TMEM132D: variants seen among roughly 807,000 people sequenced by gnomAD.
TMEM132D encodes transmembrane protein 132D.
Under a neutral mutation model 62.3 loss-of-function variants are expected in TMEM132D, and 21 were observed. The observed-to-expected ratio is 0.34, with a 90% CI of 0.24 to 0.49. The LOEUF is 0.49. Among genes scored for constraint, TMEM132D ranks in the 20% least tolerant of loss-of-function variants. The probability of loss-of-function intolerance (pLI) is 0.99; values close to 1 mark genes in which losing one functional copy is unlikely to be tolerated. For missense variants in TMEM132D, 1,346 were observed against 1,402.8 expected, an observed-to-expected ratio of 0.96 and a Z score of 0.65; for synonymous variants, 621 against 575.6, an observed-to-expected ratio of 1.08 and a Z score of -1.13.
intron 5 of TMEM132D, among the ~76,000 whole-genome samples, chr12:129,165,993 C>A (rs899984675): frequency 5.3e-5 from 8 of 152,202 alleles, no homozygotes; most frequent in Admixed American, 1.3e-4. Context: ...TTAGTTCTCA[C>A]AACCACCATT....
At chr12:129,583,415 T>C (rs537455242) in intron 2 of TMEM132D, among the ~76,000 whole-genome samples, 5 of 152,208 alleles carry the variant, frequency 3.3e-5, no homozygotes, top group Non-Finnish European at 7.3e-5. Flanking sequence ...GTATTGATGG[T>C]GGCAGGTACA....
In TMEM132D at chr12:129,353,107, C is replaced by T. The variant is rs149267699; in HGVS notation, c.1116-15290G>A. ...CCTTTCCCCCTCCCTCCCTCCCTCC[C>T]TGCCTCCCTCCCTCCCTTCCTTCCT... On this transcript the variant is annotated intron_variant, in intron 3 of 8. Coordinates refer to ENST00000422113, the MANE Select transcript of TMEM132D (RefSeq NM_133448.3). Among the ~76,000 whole-genome samples, 1,385 of 151,184 alleles carry T rather than the reference C, an allele frequency of 9.2e-3. 23 individuals carry two copies. Among genetic ancestry groups the T allele is most frequent in the African/African-American group, 0.032 (1,327 of 41,046 alleles).
At chr12:129,093,359 C>T (rs2135629764) in intron 5 of TMEM132D, among the ~76,000 whole-genome samples, 2 of 152,146 alleles carry the variant, frequency 1.3e-5, no homozygotes, top group Middle Eastern at 6.8e-3. Context: ...AATCAATGTA[C>T]AAAAATCACA....
chr12:129,218,175 A>G (rs10847805), intron 4 of TMEM132D, among the ~76,000 whole-genome samples: 61,537 of 152,042 alleles, frequency 0.4, 13,759 homozygotes, highest in East Asian at 0.85. Flanking sequence ...CTTTTTGTCC[A>G]GCTTTTAAAT....
chr12:129,759,289 T>C (rs961553040), intron 1 of TMEM132D, among the ~76,000 whole-genome samples: 1 of 152,212 alleles, frequency 6.6e-6, no homozygotes, highest in African/African-American at 2.4e-5. Flanking sequence ...GACTACCAAT[T>C]TGGACAAAAT....
rs1056871591 is a variant in TMEM132D at position 129,135,279 on chromosome 12, G to A, written c.1444-50577C>T. Among the ~76,000 whole-genome samples the A allele has an allele frequency of 2.6e-5, 4 of 152,298 alleles. No homozygotes were observed. In the East Asian group the frequency reaches 7.7e-4, roughly 29 times the overall value. ...TATTCCCTTTTTTCTGTTTCTCGAA[G>A]TCAAGAGTTTTGAGTGACATGGGAA... is the stretch of plus-strand genomic sequence containing the variant. On this transcript the variant is annotated intron_variant, in intron 5 of 8. Coordinates refer to ENST00000422113, the MANE Select transcript of TMEM132D (RefSeq NM_133448.3).
intron 2 of TMEM132D, among the ~76,000 whole-genome samples, chr12:129,605,744 G>GTAAAT (rs1878609366): frequency 6.6e-6 from 1 of 151,366 alleles, no homozygotes. Context: ...TTTTTCCATT[G>GTAAAT]TAAATTAATA....
chr12:129,758,638 C>T (rs1341782312), intron 1 of TMEM132D, among the ~76,000 whole-genome samples: 1 of 152,154 alleles, frequency 6.6e-6, no homozygotes, highest in East Asian at 1.9e-4. Context: ...TAGGTAGTGC[C>T]AATTCCTTTA....
rs996497003 is a variant in TMEM132D at position 129,607,316 on chromosome 12, T to C, written c.969-76111A>G. On this transcript the variant is annotated intron_variant, in intron 2 of 8. Transcript: ENST00000422113. ...CAGTGGGTCACGCAGAGTGGGCTCA[T>C]TCCTCGCAGCAAAAACCTGCGATCG... 2.0e-5 allele frequency among the ~76,000 whole-genome samples: 3 copies of C among 152,290 alleles called. No individual in the cohort carries two copies. In the South Asian group the frequency reaches 6.2e-4, roughly 32 times the overall value.
intron 5 of TMEM132D, chr12:129,111,292 C>G (rs1593264995): frequency 6.6e-6 from 1 of 152,234 alleles, no homozygotes; most frequent in East Asian, 1.9e-4. Flanking sequence ...AGGGAGGATC[C>G]TTTCCCAGAG....
intron 3 of TMEM132D, among the ~76,000 whole-genome samples, chr12:129,497,168 C>T (rs893076816): frequency 6.6e-6 from 1 of 152,160 alleles, no homozygotes; most frequent in Non-Finnish European, 1.5e-5. Context: ...ATTAGCTGGG[C>T]GTGGTGGTGG....
intron 4 of TMEM132D, among the ~76,000 whole-genome samples, chr12:129,333,178 A>G (rs1013985763): frequency 1.3e-5 from 2 of 152,230 alleles, no homozygotes; most frequent in Non-Finnish European, 2.9e-5. Flanking sequence ...GTTTTGCTAA[A>G]TTTTAATATT....
At chr12:129,718,869 T>C (rs996319311) in intron 1 of TMEM132D, among the ~76,000 whole-genome samples, 1 of 152,180 alleles carries the variant, frequency 6.6e-6, no homozygotes, top group African/African-American at 2.4e-5. Flanking sequence ...TTATTCCATG[T>C]GATGCTCAAT....
intron 3 of TMEM132D, among the ~76,000 whole-genome samples, chr12:129,343,866 G>A (rs1347167204): frequency 6.6e-6 from 1 of 152,196 alleles, no homozygotes; most frequent in African/African-American, 2.4e-5. Flanking sequence ...AGGAGGCAGA[G>A]GTTGCAGTGA....
intron 1 of TMEM132D, among the ~76,000 whole-genome samples, chr12:129,733,395 G>T (rs1869315907): frequency 6.6e-6 from 1 of 152,168 alleles, no homozygotes; most frequent in African/African-American, 2.4e-5. Flanking sequence ...GATCGCCCCA[G>T]ATAAGATCCT....
chr12:129,089,548 GGTGTCCTCCCTGACTGA>G, intron 5 of TMEM132D, among the ~76,000 whole-genome samples: 1 of 139,606 alleles, frequency 7.2e-6, no homozygotes, highest in African/African-American at 2.8e-5. Flanking sequence ...TCCATGACCG[GGTGTCCTCCCTGACTGA>G]GGTGTCTTCC....
chr12:129,697,563 ATTG>A (rs530512829), intron 2 of TMEM132D, among the ~76,000 whole-genome samples: 100 of 152,326 alleles, frequency 6.6e-4, no homozygotes, highest in African/African-American at 2.3e-3. Flanking sequence ...CATTTCCTTC[ATTG>A]TTGTCTCATC....
At chr12:129,274,129 T>C (rs2135602991) in intron 4 of TMEM132D, among the ~76,000 whole-genome samples, 1 of 151,900 alleles carries the variant, frequency 6.6e-6, no homozygotes, top group Non-Finnish European at 1.5e-5. Flanking sequence ...GGAGCTGAGA[T>C]GATGCCGGAA....
chr12:129,244,285 C>T (rs916816516), intron 4 of TMEM132D, among the ~76,000 whole-genome samples: 17 of 149,906 alleles, frequency 1.1e-4, no homozygotes, highest in African/African-American at 4.2e-4. Flanking sequence ...ACTCGGGAGG[C>T]TGAGGCAGGA....
Sources: allele counts gnomAD v4.1 joint callset (sites outside exome capture counted in the v4.1 genomes callset), GRCh38; gene constraint gnomAD v4.1.1; transcripts MANE v1.5; gene names NCBI Gene and HGNC (gene_info 2026-07-23, HGNC 2026-07-21).